Variants in HKDC1 observed in about 807,000 individuals in gnomAD.
HKDC1 encodes hexokinase HKDC1.
A neutral mutation model predicts 96.6 loss-of-function variants in HKDC1; 66 were observed. The ratio of observed to expected loss-of-function variants is 0.68; its 90% CI spans 0.56 to 0.84. The LOEUF is 0.84. Ranked by LOEUF, HKDC1 falls within the 40% of genes least tolerant of loss-of-function variation. The pLI, the probability that HKDC1 is intolerant of heterozygous loss-of-function variation, is 0.00. For missense variants in HKDC1, 1,211 were observed against 1,208.1 expected (o/e 1.00, Z -0.04); for synonymous variants, 466 against 473.1 (o/e 0.98, Z 0.20).
chr10:69,251,796 G>A (rs1231993594), intron 12 of HKDC1, among the ~76,000 whole-genome samples: 1 of 144,944 alleles, frequency 6.9e-6, no homozygotes, highest in Non-Finnish European at 1.5e-5. Flanking sequence ...GTCTCACTCT[G>A]TTACTCAGGC....
At chr10:69,258,139 G>T (rs1183871632) in intron 14 of HKDC1, among the ~76,000 whole-genome samples, 1 of 152,314 alleles carries the variant, frequency 6.6e-6, no homozygotes, top group South Asian at 2.1e-4. Context: ...CAGGTAAGAG[G>T]TTTCCTCTCA....
At chr10:69,234,300 T>C (rs1843327170) in intron 4 of HKDC1, among the ~76,000 whole-genome samples, 2 of 152,242 alleles carry the variant, frequency 1.3e-5, no homozygotes, top group African/African-American at 4.8e-5. Context: ...TGAAAGGGAA[T>C]GAGCTTTCAT....
chr10:69,231,859 A>T (rs184407265), intron 2 of HKDC1, among the ~76,000 whole-genome samples: 84 of 152,270 alleles, frequency 5.5e-4, no homozygotes, highest in Non-Finnish European at 1.1e-3. Context: ...ATACTAATAA[A>T]AGTTGCATAG....
chr10:69,248,353 G>T, intron 9 of HKDC1, 71 bp from the exon 10 acceptor site: 1 of 1,469,986 alleles, frequency 6.8e-7, no homozygotes, highest in Non-Finnish European at 9.1e-7. Context: ...TGGGTTTACT[G>T]CTGCCCCTGG....
At chr10:69,230,782 T>A (rs1483303331) in intron 2 of HKDC1, among the ~76,000 whole-genome samples, 2 of 152,190 alleles carry the variant, frequency 1.3e-5, no homozygotes, top group East Asian at 3.8e-4. Flanking sequence ...CCCAACTGAC[T>A]TTTTTGTCTT....
chr10:69,260,927 T>C (rs879907376), intron 15 of HKDC1, among the ~76,000 whole-genome samples: 18 of 152,216 alleles, frequency 1.2e-4, no homozygotes, highest in Non-Finnish European at 2.4e-4. Flanking sequence ...TGTACCCAGA[T>C]GCTTGCCTCC....
chr10:69,230,271 G>A (rs944384522), intron 2 of HKDC1, among the ~76,000 whole-genome samples: 1 of 152,188 alleles, frequency 6.6e-6, no homozygotes, highest in Admixed American at 6.5e-5. Context: ...CTTGACCCCT[G>A]CTGGCTCTGT....
chr10:69,261,922 C>T (rs1843816160), intron 16 of HKDC1: 2 of 216,384 alleles, frequency 9.2e-6, no homozygotes. Context: ...CAGCATTTAG[C>T]ATTTTCCTCT....
chr10:69,224,518 G>A (rs1843117685), intron 1 of HKDC1, among the ~76,000 whole-genome samples: 4 of 152,048 alleles, frequency 2.6e-5, no homozygotes, highest in African/African-American at 7.2e-5. Flanking sequence ...TCTGACCTCA[G>A]GTGATCCACC....
chr10:69,255,825 G>A (rs955592433), intron 12 of HKDC1, among the ~76,000 whole-genome samples: 1 of 151,588 alleles, frequency 6.6e-6, no homozygotes, highest in African/African-American at 2.4e-5. Flanking sequence ...GCTGAGGCAC[G>A]AGAATCGCCT....
intron 12 of HKDC1, among the ~76,000 whole-genome samples, chr10:69,255,633 C>T (rs2102339): frequency 0.38 from 57,255 of 151,952 alleles, 10,986 homozygotes; most frequent in South Asian, 0.52. Context: ...ATACTACTTT[C>T]GGGCTGGGCA....
intron 15 of HKDC1, among the ~76,000 whole-genome samples, chr10:69,260,032 G>GTTTTAGGTT (rs1437563391): frequency 6.6e-6 from 1 of 152,224 alleles, no homozygotes; most frequent in African/African-American, 2.4e-5. Flanking sequence ...GATAGTAAAT[G>GTTTTAGGTT]TTTTAGGTTT....
At chr10:69,231,625 C>T (rs149218358) in intron 2 of HKDC1, among the ~76,000 whole-genome samples, 4 of 152,184 alleles carry the variant, frequency 2.6e-5, no homozygotes, top group South Asian at 4.1e-4. Flanking sequence ...ACAATCTGAG[C>T]ACTGGTCCTA....
At position 69,243,298 on chromosome 10, in the gene HKDC1, C is replaced by T; in HGVS notation, c.808C>T (p.Leu270=). The T allele has an allele frequency of 6.2e-7, 1 of 1,613,646 alleles. No homozygotes were observed. ...EWGAFGDDGA[L]EDIRTEFDRE... ...GGGGGCCTTCGGGGACGACGGGGCC[C>T]TGGAGGACATTCGCACTGAGTTCGA... The change falls in exon 7 of 18, where the codon CTG becomes TTG. Residue 270 remains leucine (L), a synonymous_variant. Transcript: ENST00000354624.
In HKDC1 at chr10:69,261,109, G is replaced by A. The variant is rs879126685; in HGVS notation, c.2217-30G>A. On this transcript the variant is annotated intron_variant, in intron 15 of 17. Transcript: ENST00000354624. ...ATGTGGTCTTCTGCATTGCAGGTCT[G>A]CCCCAACCTTATCCTTCTTCTCCAA... The A allele has an allele frequency of 3.7e-6, 6 of 1,604,146 alleles. No individual in the cohort carries two copies. The South Asian group carries it at 6.6e-5, about 18-fold the overall frequency.
intron 2 of HKDC1, among the ~76,000 whole-genome samples, chr10:69,228,048 G>A (rs778501625): frequency 5.3e-5 from 8 of 152,248 alleles, no homozygotes; most frequent in Middle Eastern, 3.4e-3. Context: ...GAAAACAATC[G>A]AATATATTCT....
intron 6 of HKDC1, among the ~76,000 whole-genome samples, chr10:69,242,103 T>A (rs1843463579): frequency 1.3e-5 from 2 of 152,216 alleles, no homozygotes; most frequent in African/African-American, 4.8e-5. Context: ...GGAAAGTTCT[T>A]CTGAATTGCT....
At chr10:69,236,001 C>A (rs929785714) in intron 4 of HKDC1, among the ~76,000 whole-genome samples, 1 of 152,160 alleles carries the variant, frequency 6.6e-6, no homozygotes, top group African/African-American at 2.4e-5. Context: ...TTGCACAAAG[C>A]CACACAACCA....
intron 12 of HKDC1, among the ~76,000 whole-genome samples, chr10:69,256,351 T>C (rs1843716571): frequency 6.6e-6 from 1 of 152,254 alleles, no homozygotes; most frequent in Non-Finnish European, 1.5e-5. Flanking sequence ...TGAAACATGC[T>C]TTGATAAACA....
Sources: gnomAD v4.1 joint callset for allele counts (sites outside exome capture counted in the v4.1 genomes callset) on GRCh38, gnomAD v4.1.1 for gene constraint, MANE v1.5 for transcripts, NCBI Gene and HGNC (gene_info 2026-07-23, HGNC 2026-07-21) for gene names.